The following PKHD1 variants were observed in gnomAD, a reference collection of about 807,000 sequenced individuals.
PKHD1 encodes PKHD1 ciliary IPT domain containing fibrocystin/polyductin.
In PKHD1, 291 loss-of-function variants were observed where a neutral mutation model predicts 412.0. The observed-to-expected ratio is 0.71, with a 90% confidence interval of 0.64 to 0.78. PKHD1 has a LOEUF of 0.78. PKHD1 is among the 30% of genes least tolerant of loss of function. The pLI, the probability that PKHD1 is intolerant of heterozygous loss-of-function variation, is 0.00. For missense variants in PKHD1, 4,825 were observed against 4,950.7 expected, an observed-to-expected ratio of 0.97 and a Z score of 0.76; for synonymous variants, 1,777 against 1,821.5, an observed-to-expected ratio of 0.98 and a Z score of 0.62.
At chr6:51,894,586 G>A (rs1434829870) in intron 43 of PKHD1, among the ~76,000 whole-genome samples, 3 of 152,194 alleles carry the variant, frequency 2.0e-5, no homozygotes, top group Non-Finnish European at 4.4e-5. Flanking sequence ...CTGCATCAGG[G>A]CAATTTGAGA....
chr6:52,065,873 G>A, intron 12 of PKHD1, 103 bp downstream of exon 12: 1 of 732,064 alleles, frequency 1.4e-6, no homozygotes, highest in Admixed American at 2.0e-5. Flanking sequence ...GAGTCAGAAG[G>A]GGCAAAGCTT....
intron 61 of PKHD1, among the ~76,000 whole-genome samples, chr6:51,655,967 A>C (rs1771766773): frequency 6.6e-6 from 1 of 152,156 alleles, no homozygotes; most frequent in Non-Finnish European, 1.5e-5. Flanking sequence ...ATACCATTTG[A>C]CTCAGCAATC....
At chr6:51,716,675 T>C (rs1365421031) in intron 60 of PKHD1, among the ~76,000 whole-genome samples, 1 of 151,688 alleles carries the variant, frequency 6.6e-6, no homozygotes, top group African/African-American at 2.4e-5. Context: ...CTTATTCCAT[T>C]GGACTCAGGG....
chr6:52,078,622 A>G (rs1229695851), intron 5 of PKHD1, among the ~76,000 whole-genome samples: 1 of 152,216 alleles, frequency 6.6e-6, no homozygotes, highest in Admixed American at 6.5e-5. Context: ...CAACTTGCCA[A>G]GATAGTTGAA....
At chr6:52,048,889 C>A (rs1806300239) in intron 22 of PKHD1, among the ~76,000 whole-genome samples, 1 of 152,208 alleles carries the variant, frequency 6.6e-6, no homozygotes, top group Non-Finnish European at 1.5e-5. Context: ...CTGAAGATGT[C>A]TCACCTCTTC....
chr6:51,616,608 A>G lies in PKHD1; in HGVS notation c.*2473T>C, dbSNP rs1766090542. 1 of 397,074 alleles carries G rather than the reference A, an allele frequency of 2.5e-6. No homozygotes were observed. The highest frequency in any genetic ancestry group is 4.4e-6 in the Non-Finnish European group (1 of 225,612). 24.6% of individuals were successfully genotyped at this position (397,074 alleles called of 1,614,324 possible). A position where few individuals can be genotyped will look rare whatever the true frequency, so the allele number is the denominator to read the frequency against. ...TAGCTAGATGCCAAAATTCCATGCC[A>G]CATGCTAGAGCCTGGCAAGTTACTG... On this transcript the variant is annotated 3_prime_UTR_variant, in exon 67 of 67. Transcript: ENST00000371117.
Position 51,615,504 on chromosome 6 carries a change from T to C in PKHD1, c.*3577A>G, listed in dbSNP as rs562379785. On this transcript the variant is annotated 3_prime_UTR_variant, in exon 67 of 67. Transcript: ENST00000371117. ...TTAATTCCTTGTGCTTATAGTTTTT[T>C]CAAAATTGGCATAGACTATAAGTTC... is the stretch of plus-strand genomic sequence containing the variant. The C allele has an allele frequency of 5.3e-5, 8 of 152,206 alleles. No individual in the cohort carries two copies. The highest frequency in any genetic ancestry group is 1.3e-4 in the Admixed American group (2 of 15,282). 9.4% of individuals were successfully genotyped at this position (152,206 alleles called of 1,614,324 possible).
chr6:51,828,207 T>C (rs1234466906), intron 52 of PKHD1, among the ~76,000 whole-genome samples: 2 of 152,042 alleles, frequency 1.3e-5, no homozygotes, highest in South Asian at 2.1e-4. Flanking sequence ...AAAAGAAAGA[T>C]ACAATGAAGA....
intron 60 of PKHD1, among the ~76,000 whole-genome samples, chr6:51,726,795 AG>A (rs1782629003): frequency 2.0e-5 from 3 of 152,168 alleles, no homozygotes; most frequent in Admixed American, 2.0e-4. Flanking sequence ...ACTAAGACTA[AG>A]GTCTTACAAA....
intron 60 of PKHD1, among the ~76,000 whole-genome samples, chr6:51,670,100 C>G (rs1774651179): frequency 1.4e-5 from 2 of 138,416 alleles, no homozygotes; most frequent in Admixed American, 1.4e-4. Context: ...CCTGGGTATC[C>G]TTGTTGACTT....
chr6:51,903,832 C>CATATATATATATATATAT lies in PKHD1; in HGVS notation c.6866-123_6866-106dup, dbSNP rs66966800. The CATATATATATATATATAT allele has an allele frequency of 2.7e-3, 1,166 of 435,140 alleles. 34 individuals are homozygous for CATATATATATATATATAT. In the African/African-American group the frequency reaches 0.027, roughly 10 times the overall value. The allele number at this position is 435,140 out of a possible 1,614,324, so 27.0% of individuals were successfully genotyped here. On this transcript the variant is annotated intron_variant, in intron 42 of 66. Transcript: ENST00000371117. ...ACATCAGAGTTCACATAATGCATTTCATATATATATATATATATATATATA... is the reference window on the plus strand; with the variant it reads ...ACATCAGAGTTCACATAATGCATTTCATATATATATATATATATATATATATATATATATATATATATA...
intron 31 of PKHD1, among the ~76,000 whole-genome samples, chr6:52,027,443 A>G (rs1241876410): frequency 6.6e-6 from 1 of 151,518 alleles, no homozygotes; most frequent in Non-Finnish European, 1.5e-5. Flanking sequence ...GAGGCTGGAT[A>G]ATTACTTGAA....
intron 60 of PKHD1, among the ~76,000 whole-genome samples, chr6:51,684,016 C>T (rs1038483621): frequency 6.6e-6 from 1 of 151,932 alleles, no homozygotes; most frequent in Non-Finnish European, 1.5e-5. Flanking sequence ...AACCAGTGCC[C>T]GATATACAAA....
At chr6:52,023,674 T>A (rs2128139899) in intron 32 of PKHD1, among the ~76,000 whole-genome samples, 1 of 152,288 alleles carries the variant, frequency 6.6e-6, no homozygotes, top group South Asian at 2.1e-4. Flanking sequence ...CAGGTCTAGG[T>A]GGTACTTAGC....
intron 53 of PKHD1, among the ~76,000 whole-genome samples, chr6:51,779,862 A>C (rs1169476302): frequency 6.6e-6 from 1 of 152,114 alleles, no homozygotes; most frequent in African/African-American, 2.4e-5. Flanking sequence ...ACAGGCATAG[A>C]TGGAAAACTA....
intron 60 of PKHD1, among the ~76,000 whole-genome samples, chr6:51,662,844 CAAGAT>C (rs963591215): frequency 6.6e-5 from 10 of 151,900 alleles, no homozygotes; most frequent in African/African-American, 2.4e-4. Context: ...AAAATTGACA[CAAGAT>C]AAAACAGAAA....
At chr6:52,070,938 T>C (rs1810520117) in intron 9 of PKHD1, 68 bp downstream of exon 9, 1 of 935,864 alleles carries the variant, frequency 1.1e-6, no homozygotes, top group Admixed American at 1.7e-5. Context: ...AATCTTGCAA[T>C]TGCTTTTGTC....
chr6:51,851,707 T>C (rs1343078529), intron 49 of PKHD1, among the ~76,000 whole-genome samples: 2 of 152,248 alleles, frequency 1.3e-5, no homozygotes, highest in South Asian at 4.1e-4. Context: ...GACATGTTTA[T>C]AGTATTCTCT....
At chr6:52,061,349 ATTT>A (rs1430553595) in intron 14 of PKHD1, among the ~76,000 whole-genome samples, 1 of 152,014 alleles carries the variant, frequency 6.6e-6, no homozygotes, top group Non-Finnish European at 1.5e-5. Context: ...CACCTGGCTA[ATTT>A]TTTATTTTTT....
Sources: allele counts gnomAD v4.1 joint callset (sites outside exome capture counted in the v4.1 genomes callset), GRCh38; gene constraint gnomAD v4.1.1; transcripts MANE v1.5; gene names NCBI Gene and HGNC (gene_info 2026-07-23, HGNC 2026-07-21).